The following CEP350 variants were observed in gnomAD, a reference collection of about 807,000 sequenced individuals.
CEP350 encodes the protein centrosomal protein 350, also known as centrosome-associated protein 350.
In CEP350, 126 loss-of-function variants were observed where a neutral mutation model predicts 331.8. The observed-to-expected ratio is 0.38, with a 90% CI of 0.33 to 0.44. The LOEUF is 0.44. Among genes scored for constraint, CEP350 ranks in the 20% least tolerant of loss-of-function variants. CEP350 has a pLI of 1.00. For synonymous variants in CEP350, 1,200 were observed against 1,259.5 expected (o/e 0.95, Z 1.00); for missense variants, 3,406 against 3,634.6 (o/e 0.94, Z 1.62).
chr1:179,968,839 ATT>A (rs1651218698), intron 1 of CEP350: 3 of 716,348 alleles, frequency 4.2e-6, no homozygotes, highest in Admixed American at 3.5e-5. Context: ...AGCTCGTGCC[ATT>A]GTTACCTTTG....
chr1:179,979,395 T>G (rs1652108524), intron 1 of CEP350, among the ~76,000 whole-genome samples: 1 of 151,006 alleles, frequency 6.6e-6, no homozygotes, highest in African/African-American at 2.4e-5. Flanking sequence ...GGGGTGTTTT[T>G]TTTTTTTTTT....
At chr1:180,035,105 T>C (rs1656264641) in intron 16 of CEP350, among the ~76,000 whole-genome samples, 1 of 152,120 alleles carries the variant, frequency 6.6e-6, no homozygotes, top group Non-Finnish European at 1.5e-5. Context: ...GGGACCAAGA[T>C]AGAAGATCAA....
At position 180,078,458 on chromosome 1, in the gene CEP350, T is replaced by C. The variant is rs372048718; in HGVS notation, c.5768-5T>C. ...TTTTTTCTTGTTTTCACCTTCTCTG[T>C]CTAGAAATAGCAAGTGAAGAGGAAT... On this transcript the variant is annotated splice_polypyrimidine_tract_variant and splice_region_variant and intron_variant, in intron 28 of 37. Transcript: ENST00000367607. 7.5e-6 allele frequency: 12 copies of C among 1,602,052 alleles called. No homozygotes were observed. Among genetic ancestry groups the C allele is most frequent in the East Asian group, 2.2e-5 (1 of 44,786 alleles).
intron 11 of CEP350, among the ~76,000 whole-genome samples, chr1:180,018,474 C>A (rs746734188): frequency 3.3e-5 from 5 of 152,114 alleles, no homozygotes; most frequent in Non-Finnish European, 7.4e-5. Context: ...CCTTGTATTC[C>A]TATTACTACC....
At chr1:180,039,789 T>TCAG (rs1553258216) in intron 17 of CEP350, among the ~76,000 whole-genome samples, 1 of 151,860 alleles carries the variant, frequency 6.6e-6, no homozygotes, top group African/African-American at 2.4e-5. Context: ...TTTGTTAGTT[T>TCAG]CAACAACAAC....
chr1:180,006,300 G>A (rs1321167660), intron 7 of CEP350, among the ~76,000 whole-genome samples, 154 bp from the exon 8 acceptor site: 2 of 152,128 alleles, frequency 1.3e-5, no homozygotes, highest in Non-Finnish European at 2.9e-5. Flanking sequence ...AGGAGTTGAT[G>A]TTGGTATTAT....
At chr1:180,007,089 T>C (rs1161907781) in intron 8 of CEP350, among the ~76,000 whole-genome samples, 1 of 152,236 alleles carries the variant, frequency 6.6e-6, no homozygotes, top group East Asian at 1.9e-4. Context: ...TGTGTCTTTA[T>C]AGTAGAATGA....
chr1:180,064,136 T>C (rs1658404840), intron 26 of CEP350, among the ~76,000 whole-genome samples: 1 of 152,108 alleles, frequency 6.6e-6, no homozygotes, highest in African/African-American at 2.4e-5. Flanking sequence ...CTTGCTCTCT[T>C]TGGACTCTGG....
In CEP350 at chr1:180,095,877, T is replaced by C. The variant is rs757559295; in HGVS notation, c.8866T>C (p.Cys2956Arg). 1 of 1,613,008 alleles carries C rather than the reference T, an allele frequency of 6.2e-7. No individual in the cohort carries two copies. The highest frequency in any genetic ancestry group is 1.1e-5 in the South Asian group (1 of 90,958). The change falls in exon 35 of 38, where the codon TGT (cysteine) becomes CGT (arginine). Residue 2956 changes from cysteine (C) to arginine (R), a missense_variant. Around this residue, in one of 5 missense-constraint regions of CEP350, gnomAD observed 1,415 missense variants for 1,512.3 expected, o/e 0.94. Transcript: ENST00000367607. ...CAGTATTCCTACAAAACTGCTTGGC[T>C]GTGCCAGTAAAGGTCTAGATATAGA... is the stretch of plus-strand genomic sequence containing the variant. ...SISIPTKLLG[C>R]ASKGLDIEST...
intron 1 of CEP350, among the ~76,000 whole-genome samples, chr1:179,967,521 C>T (rs1042810536): frequency 6.6e-6 from 1 of 152,130 alleles, no homozygotes; most frequent in South Asian, 2.1e-4. Context: ...AAGCAGTTCT[C>T]CTGTCTTAGC....
In CEP350 at chr1:180,092,984, T is replaced by G. The variant is rs1660286167; in HGVS notation, c.6879T>G (p.Asp2293Glu). ...VLLKLVLEQG[D>E]SSEILSKKDL... ...TGAAATTAGTCCTAGAACAGGGAGA[T>G]TCATCTGAAATTCTTTCAAAGAAAG... is the stretch of plus-strand genomic sequence containing the variant. The change falls in exon 34 of 38, where the codon GAT becomes GAG. Residue 2293 changes from aspartate (D) to glutamate (E), a missense_variant. Asp to Glu is a conservative substitution (Grantham distance 45). This residue lies in a region of CEP350 where 1,415 missense variants were observed against 1,512.3 expected (regional missense o/e 0.94). Transcript: ENST00000367607. 6.2e-7 allele frequency: 1 copy of G among 1,601,830 alleles called. No homozygotes were observed. Among genetic ancestry groups the G allele is most frequent in the East Asian group, 2.2e-5 (1 of 44,776 alleles).
At chr1:180,108,879 G>T (rs73036437) in intron 37 of CEP350, among the ~76,000 whole-genome samples, 2 of 152,102 alleles carry the variant, frequency 1.3e-5, no homozygotes, top group African/African-American at 2.4e-5. Flanking sequence ...CTTTTTGGTG[G>T]TACATTAGGG....
In CEP350 at chr1:180,020,035, C is replaced by A. The variant is rs769664098; in HGVS notation, c.2261C>A (p.Thr754Lys). 1.9e-6 allele frequency: 3 copies of A among 1,613,966 alleles called. No individual in the cohort carries two copies. Among genetic ancestry groups the A allele is most frequent in the Non-Finnish European group, 2.5e-6 (3 of 1,179,870 alleles). ...HHSQPQPFAGTAGSLLSHLLS... is the reference protein window; with the variant it reads ...HHSQPQPFAGKAGSLLSHLLS... ...TCTCAACCACAGCCTTTTGCTGGAA[C>A]AGCTGGAAGTTTACTCTCCCATCTC... is the stretch of plus-strand genomic sequence containing the variant. Residue 754 changes from threonine (T) to lysine (K), a missense_variant, in exon 12 of 38, where the codon ACA (threonine) becomes AAA (lysine). Transcript: ENST00000367607.
At chr1:180,085,899 A>G (rs1039207189) in intron 31 of CEP350, 3 of 152,216 alleles carry the variant, frequency 2.0e-5, no homozygotes, top group Non-Finnish European at 4.4e-5. Context: ...CTAATTACAC[A>G]TATTTTTCAT....
In CEP350 at chr1:180,094,603, T is replaced by C. The variant is rs769559448; in HGVS notation, c.8498T>C (p.Met2833Thr). The C allele has an allele frequency of 4.3e-6, 7 of 1,613,358 alleles. No homozygotes were observed. Among genetic ancestry groups the C allele is most frequent in the East Asian group, 4.5e-5 (2 of 44,886 alleles). Residue 2833 changes from methionine (M) to threonine (T), a missense_variant, in exon 34 of 38, where the codon ATG becomes ACG. Around this residue, in one of 5 missense-constraint regions of CEP350, gnomAD observed 1,415 missense variants for 1,512.3 expected, o/e 0.94. Transcript: ENST00000367607. ...DEKEEISSPD[M>T]CPRPESPVFG... ...AAAGAAGAGATTTCCTCTCCAGATA[T>C]GTGTCCCAGACCGGTGAGTATTTCG...
At position 180,013,858 on chromosome 1, in the gene CEP350, G is replaced by A; in HGVS notation, c.1405G>A (p.Gly469Arg). 1.9e-6 allele frequency: 3 copies of A among 1,608,050 alleles called. No individual in the cohort carries two copies. Among genetic ancestry groups the A allele is most frequent in the South Asian group, 2.2e-5 (2 of 89,978 alleles). ...TTCATACTTTGCAGGGGGTCACATT[G>A]GAAGAGCAGAATCTGATCCCAGGTT... ...ERTAKSGGHI[G>R]RAESDPRLDV... Residue 469 changes from glycine (G) to arginine (R), a missense_variant, in exon 10 of 38, where the codon GGA (glycine) becomes AGA (arginine). Around this residue, in one of 5 missense-constraint regions of CEP350, gnomAD observed 1,857 missense variants for 1,909.2 expected, o/e 0.97. Coordinates refer to ENST00000367607, the MANE Select transcript of CEP350 (RefSeq NM_014810.5).
At chr1:179,969,047 T>C in intron 1 of CEP350, 1 of 737,188 alleles carries the variant, frequency 1.4e-6, no homozygotes, top group Non-Finnish European at 2.5e-6. Context: ...TGAAGCATCT[T>C]AGGTTAACCT....
In CEP350 at chr1:180,029,145, T is replaced by A. The variant is rs1315211735; in HGVS notation, c.3551-2175T>A. Among the ~76,000 whole-genome samples the A allele has an allele frequency of 2.0e-5, 3 of 152,182 alleles. No individual in the cohort carries two copies. The East Asian group carries it at 5.8e-4, about 29-fold the overall frequency. On this transcript the variant is annotated intron_variant, in intron 14 of 37. Transcript: ENST00000367607. ...AGTAGTTGGTAGATTAAAGTGGTAATCCTAGGGGAAAAAAATTTGCTTTAA... is the reference window on the plus strand; with the variant it reads ...AGTAGTTGGTAGATTAAAGTGGTAAACCTAGGGGAAAAAAATTTGCTTTAA...
chr1:179,972,260 CGA>C (rs1186204872), intron 1 of CEP350, among the ~76,000 whole-genome samples: 1 of 151,956 alleles, frequency 6.6e-6, no homozygotes, highest in Admixed American at 6.6e-5. Context: ...GGTCGCCCAG[CGA>C]GAGAGTATAG....
Sources: gnomAD v4.1 joint callset for allele counts (sites outside exome capture counted in the v4.1 genomes callset) on GRCh38, gnomAD v4.1.1 for gene constraint, gnomAD v4.1.1 regional missense constraint, MANE v1.5 for transcripts, NCBI Gene and HGNC (gene_info 2026-07-23, HGNC 2026-07-21) for gene names.